The following CACNB3 variants were observed in gnomAD, a reference collection of about 807,000 sequenced individuals.
CACNB3 encodes the protein calcium voltage-gated channel auxiliary subunit beta 3, also known as voltage-dependent L-type calcium channel subunit beta-3.
In CACNB3, 36 loss-of-function variants were observed where a neutral mutation model predicts 63.7. That is an observed-to-expected ratio of 0.57 (90% CI 0.43 to 0.75). The LOEUF (loss-of-function observed/expected upper bound fraction) is 0.75, where lower values mean the gene tolerates loss of function less well. Among genes scored for constraint, CACNB3 ranks in the 30% least tolerant of loss-of-function variants. The pLI is 0.00. For synonymous variants in CACNB3, 241 were observed against 250.6 expected, an observed-to-expected ratio of 0.96 and a Z score of 0.36; for missense variants, 493 against 648.6, an observed-to-expected ratio of 0.76 and a Z score of 2.61.
At chr12:48,824,864 A>G (rs1384799457) in intron 5 of CACNB3, 85 bp from the exon 6 acceptor site, 7 of 1,518,098 alleles carry the variant, frequency 4.6e-6, no homozygotes, top group Non-Finnish European at 6.4e-6. Context: ...AGAAGCCAGT[A>G]TCTCCCCTGG....
In CACNB3 at chr12:48,827,588, C is replaced by T; in HGVS notation, c.1144C>T (p.Gln382Ter). 1 of 1,611,956 alleles carries T rather than the reference C, an allele frequency of 6.2e-7. No homozygotes were observed. The highest frequency in any genetic ancestry group is 8.5e-7 in the Non-Finnish European group (1 of 1,178,998). Residue 382 changes from glutamine to a stop codon, truncating the protein, a stop_gained, in exon 13 of 13, where the codon CAG becomes TAG. Coordinates refer to ENST00000301050, the MANE Select transcript of CACNB3 (RefSeq NM_000725.4). LOFTEE classifies it high-confidence loss of function. ...AGAGCTGTTGTATGGCCCCCAGAAC[C>T]AGCAGCTGCTGGGGGAGCGTGGCGA... is the stretch of plus-strand genomic sequence containing the variant. ...PPSAIPGLQN[Q>*]QLLGERGEEH...
chr12:48,827,433 C>A, intron 12 of CACNB3, 152 bp from the exon 13 acceptor site: 1 of 843,474 alleles, frequency 1.2e-6, no homozygotes, highest in Non-Finnish European at 1.8e-6. Flanking sequence ...AGTTTTCTCT[C>A]TCGGAAGAGG....
intron 12 of CACNB3, 111 bp downstream of exon 12, chr12:48,827,234 G>C: frequency 7.5e-7 from 1 of 1,341,750 alleles, no homozygotes; most frequent in South Asian, 1.3e-5. Context: ...AAGGATTGTA[G>C]AACTCTCAGC....
chr12:48,822,023 C>T (rs943588437), intron 1 of CACNB3, among the ~76,000 whole-genome samples: 8 of 152,168 alleles, frequency 5.3e-5, no homozygotes, highest in Non-Finnish European at 7.3e-5. Context: ...GCCTTCTTCT[C>T]TGAGAGTCTG....
upstream of CACNB3, chr12:48,818,429 C>G (rs868533849): frequency 1.0e-6 from 1 of 986,666 alleles, no homozygotes; most frequent in Non-Finnish European, 1.2e-6. This position sits in a 1 kb window ranked among gnomAD's most constrained non-coding sequence, Gnocchi z 4.3. Context: ...CCGAGCGTCT[C>G]TGTCTCCGCA....
chr12:48,828,924 T>A lies in CACNB3; in HGVS notation c.*1025T>A. On this transcript the variant is annotated 3_prime_UTR_variant, in exon 13 of 13. Coordinates refer to ENST00000301050, the MANE Select transcript of CACNB3 (RefSeq NM_000725.4). ...TGCCTCACCTCACTGTCATCACTAA[T>A]AAACATCATGCACAGTCCCTCCGGC... is the stretch of plus-strand genomic sequence containing the variant. The A allele has an allele frequency of 2.7e-6, 1 of 367,272 alleles. No homozygotes were observed. The highest frequency in any genetic ancestry group is 2.0e-5 in the South Asian group (1 of 49,536). 22.8% of individuals were successfully genotyped at this position (367,272 alleles called of 1,614,324 possible). A position where few individuals can be genotyped will look rare whatever the true frequency, so the allele number is the denominator to read the frequency against.
upstream of CACNB3, chr12:48,815,216 G>A (rs1942256146): frequency 5.5e-6 from 1 of 183,170 alleles, no homozygotes; most frequent in Non-Finnish European, 1.2e-5. Flanking sequence ...TCCGCCAAGA[G>A]CTCAGGAGCT....
At chr12:48,818,488 C>G (rs1478768894), upstream of CACNB3, 14 of 998,078 alleles carry the variant, frequency 1.4e-5, no homozygotes, top group Non-Finnish European at 1.4e-5. The surrounding 1 kb of genome is among the most constrained non-coding windows in gnomAD (Gnocchi z 4.3). Context: ...CTGCCCGCAG[C>G]CTCTCCTCCC....
chr12:48,823,682 A>G lies in CACNB3; in HGVS notation c.170A>G (p.His57Arg), dbSNP rs764788635. 3 of 1,614,148 alleles carry G rather than the reference A, an allele frequency of 1.9e-6. No individual in the cohort carries two copies. In the South Asian group the frequency reaches 3.3e-5, roughly 18 times the overall value. Residue 57 changes from histidine (H) to arginine (R), a missense_variant and splice_region_variant, in exon 3 of 13, where the codon CAC becomes CGC. His to Arg is a conservative substitution (Grantham distance 29). Coordinates refer to ENST00000301050, the MANE Select transcript of CACNB3 (RefSeq NM_000725.4). This position sits in a 1 kb window ranked among gnomAD's most constrained non-coding sequence, Gnocchi z 4.2. The part of the protein sequence containing the change: ...QAQQQLERAK[H>R]KPVAFAVRTN... ...TGCACTAATGGGCAAATTCTCCAGC[A>G]CAAACCTGTGGCATTTGCGGTGAGG...
Position 48,818,524 on chromosome 12 carries a change from T to G in CACNB3, c.-406T>G. On this transcript the variant is annotated 5_prime_UTR_variant, in exon 1 of 13. Transcript: ENST00000301050. This position sits in a 1 kb window ranked among gnomAD's most constrained non-coding sequence, Gnocchi z 4.3. ...CTTCCTCCCCGCCGCCACGGCCCCG[T>G]AGGTGCTCGGGGACCCACCTTCCAC... 1 of 1,009,720 alleles carries G rather than the reference T, an allele frequency of 9.9e-7. No individual in the cohort carries two copies. Among genetic ancestry groups the G allele is most frequent in the East Asian group, 1.0e-4 (1 of 10,046 alleles). The allele number at this position is 1,009,720 out of a possible 1,614,324, so 62.5% of individuals were successfully genotyped here.
upstream of CACNB3, chr12:48,815,435 G>T: frequency 1.3e-6 from 1 of 785,230 alleles, no homozygotes; most frequent in Non-Finnish European, 1.9e-6. Flanking sequence ...GTGGAGAGAG[G>T]CTGGGCTGAA....
chr12:48,818,972 G>T lies in CACNB3; in HGVS notation c.43G>T (p.Ala15Ser), dbSNP rs1313389141. The T allele has an allele frequency of 2.4e-5, 38 of 1,606,096 alleles. No homozygotes were observed. The highest frequency in any genetic ancestry group is 3.2e-5 in the Non-Finnish European group (38 of 1,176,536). The change falls in exon 1 of 13, where the codon GCG (alanine) becomes TCG (serine). Residue 15 changes from alanine to serine, a missense_variant and splice_region_variant. Physicochemically the swap from Ala to Ser is moderately conservative, Grantham distance 99. Coordinates refer to ENST00000301050, the MANE Select transcript of CACNB3 (RefSeq NM_000725.4). The surrounding 1 kb of genome is among the most constrained non-coding windows in gnomAD (Gnocchi z 4.3). ...CGTGCCCGGGTTTGAGGACTCGGAGGCGGTGAGTGCCCACGATGAGGGTGG... is the reference window on the plus strand; with the variant it reads ...CGTGCCCGGGTTTGAGGACTCGGAGTCGGTGAGTGCCCACGATGAGGGTGG... ...SYVPGFEDSE[A>S]GSADSYTSRP...
At position 48,825,780 on chromosome 12, in the gene CACNB3, C is replaced by T. The variant is rs1348589043; in HGVS notation, c.742+11C>T. On this transcript the variant is annotated intron_variant, in intron 9 of 12. Coordinates refer to ENST00000301050, the MANE Select transcript of CACNB3 (RefSeq NM_000725.4). This position sits in a 1 kb window ranked among gnomAD's most constrained non-coding sequence, Gnocchi z 4.5. ...CCCGCTCCAGCATTGGTGAGAAGTC[C>T]CCACCACCTGCTTCTGTGCCCACTC... The T allele has an allele frequency of 6.3e-7, 1 of 1,593,812 alleles. No individual in the cohort carries two copies.
rs140514453 is a variant in CACNB3 at position 48,823,797 on chromosome 12, T to C, written c.285T>C (p.Ile95=). The C allele has an allele frequency of 1.5e-4, 243 of 1,614,094 alleles. No homozygotes were observed. The African/African-American group carries it at 2.8e-3, about 19-fold the overall frequency. Residue 95 remains isoleucine (I), a synonymous_variant, in exon 3 of 13, where the codon ATT becomes ATC. Transcript: ENST00000301050. This position sits in a 1 kb window ranked among gnomAD's most constrained non-coding sequence, Gnocchi z 4.2. ...TTGAGGCCAAAGATTTTCTGCACATTAAAGAGGTGATCGACCCCCCTACTT... is the reference window on the plus strand; with the variant it reads ...TTGAGGCCAAAGATTTTCTGCACATCAAAGAGGTGATCGACCCCCCTACTT... ...VNFEAKDFLH[I]KEKYSNDWWI... is the part of the protein sequence containing the mutation.
In CACNB3 at chr12:48,818,775, G is replaced by C. The variant is rs993618039; in HGVS notation, c.-155G>C. 5 of 1,346,532 alleles carry C rather than the reference G, an allele frequency of 3.7e-6. No homozygotes were observed. The African/African-American group carries it at 7.8e-5, about 21-fold the overall frequency. 83.4% of individuals were successfully genotyped at this position (1,346,532 alleles called of 1,614,324 possible). A position where few individuals can be genotyped will look rare whatever the true frequency, so the allele number is the denominator to read the frequency against. The stretch of plus-strand genomic sequence containing the variant: ...GAGCTCCGAGCAGCTGGTCTTCGCG[G>C]CTCGCTCCCTCCTTCGCGCTCTCTC... On this transcript the variant is annotated 5_prime_UTR_variant, in exon 1 of 13. Transcript: ENST00000301050. The surrounding 1 kb of genome is among the most constrained non-coding windows in gnomAD (Gnocchi z 4.3).
At chr12:48,822,236 A>G (rs1937887586) in intron 1 of CACNB3, among the ~76,000 whole-genome samples, 1 of 152,106 alleles carries the variant, frequency 6.6e-6, no homozygotes, top group South Asian at 2.1e-4. Flanking sequence ...AGAGAGGGAA[A>G]ACTGAGGCAG....
At chr12:48,827,272 G>C in intron 12 of CACNB3, 149 bp downstream of exon 12, 1 of 984,104 alleles carries the variant, frequency 1.0e-6, no homozygotes, top group Non-Finnish European at 1.5e-6. Context: ...GCACAGACGG[G>C]CAAAGGAACT....
upstream of CACNB3, chr12:48,814,896 G>C (rs1380530025): frequency 3.7e-6 from 1 of 273,040 alleles, no homozygotes; most frequent in Admixed American, 5.4e-5. This position sits in a 1 kb window ranked among gnomAD's most constrained non-coding sequence, Gnocchi z 6.9. Flanking sequence ...GAGCCGCGTC[G>C]CTTCGCCTCG....
In CACNB3 at chr12:48,825,785, C is replaced by T. The variant is rs975315616; in HGVS notation, c.742+16C>T. The T allele has an allele frequency of 9.5e-6, 15 of 1,584,752 alleles. No individual in the cohort carries two copies. The highest frequency in any genetic ancestry group is 2.2e-5 in the East Asian group (1 of 44,646). ...TCCAGCATTGGTGAGAAGTCCCCAC[C>T]ACCTGCTTCTGTGCCCACTCAAGTG... On this transcript the variant is annotated intron_variant, in intron 9 of 12. Coordinates refer to ENST00000301050, the MANE Select transcript of CACNB3 (RefSeq NM_000725.4). This position sits in a 1 kb window ranked among gnomAD's most constrained non-coding sequence, Gnocchi z 4.5.
Sources: allele counts gnomAD v4.1 joint callset (sites outside exome capture counted in the v4.1 genomes callset), GRCh38; gene constraint gnomAD v4.1.1; non-coding constraint Gnocchi (gnomAD v3.1); transcripts MANE v1.5; gene names NCBI Gene and HGNC (gene_info 2026-07-23, HGNC 2026-07-21).